The following RIPOR2 variants were observed in gnomAD, a reference collection of about 807,000 sequenced individuals.
RIPOR2 encodes rho family-interacting cell polarization regulator 2.
RIPOR2 carries 39 observed loss-of-function variants against 114.5 expected under a neutral mutation model. The ratio of observed to expected loss-of-function variants is 0.34; its 90% CI spans 0.26 to 0.44. The LOEUF (loss-of-function observed/expected upper bound fraction) is 0.44. Among genes scored for constraint, RIPOR2 ranks in the 20% least tolerant of loss-of-function variants. The probability of loss-of-function intolerance (pLI) is 1.00; values close to 1 mark genes in which losing one functional copy is unlikely to be tolerated. For missense variants in RIPOR2, 1,007 were observed against 1,255.1 expected, an observed-to-expected ratio of 0.80 and a Z score of 2.99; for synonymous variants, 445 against 484.4, an observed-to-expected ratio of 0.92 and a Z score of 1.07.
rs920567389 is a variant in RIPOR2, at chr6:24,921,521, C to T, written c.61+14317G>A. 1.3e-4 allele frequency among the ~76,000 whole-genome samples: 20 copies of T among 152,012 alleles called. No homozygotes were observed. In the South Asian group the frequency reaches 1.5e-3, roughly 11 times the overall value. On this transcript the variant is annotated intron_variant, in intron 1 of 21. Coordinates refer to ENST00000643898, the MANE Select transcript of RIPOR2 (RefSeq NM_001286445.3). ...ATTGGTTTCCTTACTATTCCTGGAA[C>T]ACTCTCCCCAGACCTCCATATGTTC...
intron 21 of RIPOR2, among the ~76,000 whole-genome samples, chr6:24,809,393 C>T (rs981898062): frequency 6.6e-6 from 1 of 152,220 alleles, no homozygotes; most frequent in African/African-American, 2.4e-5. Context: ...CCTGGCAACA[C>T]AGCCTGGATT....
intron 3 of RIPOR2, 43 bp from the exon 4 acceptor site, chr6:24,873,002 T>C (rs762341368): frequency 1.5e-6 from 2 of 1,339,354 alleles, no homozygotes; most frequent in African/African-American, 2.9e-5. Context: ...TCTGCGCCTG[T>C]TAAGTGGAAT....
chr6:24,898,958 T>G (rs1400137836), intron 1 of RIPOR2, among the ~76,000 whole-genome samples: 3 of 151,774 alleles, frequency 2.0e-5, no homozygotes, highest in African/African-American at 7.3e-5. Context: ...TAGTTTTTTT[T>G]TTTTTTTTTT....
intron 1 of RIPOR2, among the ~76,000 whole-genome samples, chr6:25,038,559 G>T (rs940447118): frequency 6.6e-6 from 1 of 152,210 alleles, no homozygotes; most frequent in African/African-American, 2.4e-5. Flanking sequence ...TATGGAGAGG[G>T]TCATGTGGCA....
At chr6:24,981,710 C>T (rs926708940) in intron 1 of RIPOR2, among the ~76,000 whole-genome samples, 5 of 152,198 alleles carry the variant, frequency 3.3e-5, no homozygotes, top group African/African-American at 1.2e-4. Flanking sequence ...CCTACCTCTG[C>T]CACTTGCTAA....
chr6:24,939,390 A>T (rs1028358026), upstream of RIPOR2, among the ~76,000 whole-genome samples: 2 of 152,196 alleles, frequency 1.3e-5, no homozygotes, highest in South Asian at 4.1e-4. Context: ...CTAGGAATGT[A>T]TGATAGCTAA....
At chr6:24,818,670 G>A (rs999857546) in intron 19 of RIPOR2, 45 bp from the exon 20 acceptor site, 20 of 1,327,328 alleles carry the variant, frequency 1.5e-5, no homozygotes, top group Admixed American at 1.0e-4. Context: ...TGGTTTGTTC[G>A]TAGTTTAAGA....
rs561756601 is a variant in RIPOR2, at chr6:24,830,068, C to T, written c.2506+441G>A. On this transcript the variant is annotated intron_variant, in intron 17 of 21. Coordinates refer to ENST00000643898, the MANE Select transcript of RIPOR2 (RefSeq NM_001286445.3). ...GCAACCTCTGCCTCCCAGGTTCAAG[C>T]GATTCTCCTCCCTCAGTCTCCCAAG... is the stretch of plus-strand genomic sequence containing the variant. Among the ~76,000 whole-genome samples the T allele has an allele frequency of 7.2e-5, 11 of 152,232 alleles. No homozygotes were observed. The South Asian group carries it at 1.9e-3, about 26-fold the overall frequency.
chr6:25,021,111 G>A (rs1387884215), intron 1 of RIPOR2, among the ~76,000 whole-genome samples: 4 of 152,032 alleles, frequency 2.6e-5, no homozygotes, highest in African/African-American at 4.8e-5. Context: ...CACCCACCTC[G>A]GCCTCCCAAA....
At chr6:24,820,177 C>T (rs1169600776) in intron 19 of RIPOR2, among the ~76,000 whole-genome samples, 13 of 152,172 alleles carry the variant, frequency 8.5e-5, no homozygotes, top group African/African-American at 2.9e-4. Context: ...GGATTACAGG[C>T]GGATGCTATG....
intron 1 of RIPOR2, among the ~76,000 whole-genome samples, chr6:25,033,145 A>C (rs1371987202): frequency 6.6e-6 from 1 of 152,086 alleles, no homozygotes; most frequent in African/African-American, 2.4e-5. Context: ...TCGAGGCTGC[A>C]GTGAGGCTCC....
At chr6:24,853,045 A>G (rs1340072524) in intron 8 of RIPOR2, among the ~76,000 whole-genome samples, 1 of 152,110 alleles carries the variant, frequency 6.6e-6, no homozygotes, top group Non-Finnish European at 1.5e-5. Flanking sequence ...CTCCCATTTG[A>G]GTTAAGATTC....
At chr6:24,875,886 A>T in intron 1 of RIPOR2, 69 bp from the exon 2 acceptor site, 1 of 1,412,624 alleles carries the variant, frequency 7.1e-7, no homozygotes, top group South Asian at 1.3e-5. Context: ...TAAGCTTGTC[A>T]ACAATGATAA....
intron 1 of RIPOR2, among the ~76,000 whole-genome samples, chr6:24,878,510 T>TA (rs1766025992): frequency 6.6e-6 from 1 of 152,236 alleles, no homozygotes; most frequent in South Asian, 2.1e-4. Context: ...GGAAAAAACT[T>TA]AGAGTATTCG....
chr6:24,930,023 T>A (rs1374211715), intron 1 of RIPOR2, among the ~76,000 whole-genome samples: 2 of 152,176 alleles, frequency 1.3e-5, no homozygotes, highest in African/African-American at 2.4e-5. Flanking sequence ...TGCAGTGAGC[T>A]GCAATCACAC....
intron 19 of RIPOR2, among the ~76,000 whole-genome samples, chr6:24,823,820 A>G (rs1759910731): frequency 6.6e-6 from 1 of 152,080 alleles, no homozygotes; most frequent in Non-Finnish European, 1.5e-5. Context: ...CCAGTGGCGC[A>G]ATCTCGGCTC....
At chr6:25,024,217 G>A (rs73384168) in intron 1 of RIPOR2, 20,653 of 1,507,716 alleles carry the variant, frequency 0.014, 234 homozygotes, top group African/African-American at 0.044. Context: ...AAGGTGCCCA[G>A]GAGGTAGCGG....
chr6:24,818,478 T>C, intron 20 of RIPOR2, 64 bp downstream of exon 20: 2 of 953,034 alleles, frequency 2.1e-6, no homozygotes, highest in South Asian at 1.7e-5. Context: ...AAAGCTGTTA[T>C]ATACACTCAG....
chr6:24,962,508 C>T lies in RIPOR2; in HGVS notation c.76+79343G>A, dbSNP rs571775034. Among the ~76,000 whole-genome samples, 4 of 152,280 alleles carry T rather than the reference C, an allele frequency of 2.6e-5. No individual in the cohort carries two copies. In the East Asian group the frequency reaches 7.7e-4, roughly 29 times the overall value. ...AAGACACTACTATGAGAAGAATATT[C>T]ACTCCATTAAAGAATGTTTAATCTA... On this transcript the variant is annotated intron_variant, in intron 1 of 13. Transcript: ENST00000510784.
Sources: gnomAD v4.1 joint callset for allele counts (sites outside exome capture counted in the v4.1 genomes callset) on GRCh38, gnomAD v4.1.1 for gene constraint, MANE v1.5 for transcripts, NCBI Gene and HGNC (gene_info 2026-07-23, HGNC 2026-07-21) for gene names.